The following TBC1D9 variants were observed in gnomAD, a reference collection of about 807,000 sequenced individuals.
TBC1D9 encodes TBC1 domain family member 9.
TBC1D9 carries 63 observed loss-of-function variants against 132.0 expected under a neutral mutation model. The observed-to-expected ratio is 0.48, with a 90% confidence interval of 0.39 to 0.59. The LOEUF (loss-of-function observed/expected upper bound fraction) is 0.59, where lower values mean the gene tolerates loss of function less well. Among genes scored for constraint, TBC1D9 ranks in the 20% least tolerant of loss-of-function variants. The pLI, the probability that TBC1D9 is intolerant of heterozygous loss-of-function variation, is 0.00. For synonymous variants in TBC1D9, 610 were observed against 609.9 expected, an observed-to-expected ratio of 1.00 and a Z score of 0.00; for missense variants, 1,261 against 1,592.7, an observed-to-expected ratio of 0.79 and a Z score of 3.54.
intron 1 of TBC1D9, among the ~76,000 whole-genome samples, chr4:140,753,868 T>G (rs1314657901): frequency 6.6e-6 from 1 of 152,198 alleles, no homozygotes; most frequent in East Asian, 1.9e-4. Context: ...TACTACACAT[T>G]GTGTAACATT....
rs1192712758 is a variant in TBC1D9, at chr4:140,626,285, A to G, written c.2899+1156T>C. 2.6e-5 allele frequency among the ~76,000 whole-genome samples: 4 copies of G among 152,200 alleles called. No individual in the cohort carries two copies. In the East Asian group the frequency reaches 5.8e-4, roughly 22 times the overall value. On this transcript the variant is annotated intron_variant, in intron 18 of 20. Transcript: ENST00000442267. ...CCTAATTACACCCAATATGATAGCT[A>G]TCATCTCCATTCTCCACACAAGGAA...
At chr4:140,633,017 C>T (rs564799306) in intron 16 of TBC1D9, among the ~76,000 whole-genome samples, 1 of 152,314 alleles carries the variant, frequency 6.6e-6, no homozygotes, top group East Asian at 1.9e-4. Context: ...GTTTTAACCT[C>T]AACGGACCTT....
At chr4:140,672,928 A>G (rs1458006891) in intron 6 of TBC1D9, among the ~76,000 whole-genome samples, 1 of 152,154 alleles carries the variant, frequency 6.6e-6, no homozygotes, top group Non-Finnish European at 1.5e-5. Flanking sequence ...GGGAGGCCTA[A>G]GTGGTCAGAT....
Position 140,695,050 on chromosome 4 carries a change from C to A in TBC1D9, c.241+6454G>T, listed in dbSNP as rs552773111. Among the ~76,000 whole-genome samples, 4 of 152,228 alleles carry A rather than the reference C, an allele frequency of 2.6e-5. No individual in the cohort carries two copies. The South Asian group carries it at 6.2e-4, about 24-fold the overall frequency. ...CTCATGCAGAAGGCAACTAAATTAC[C>A]CAACATTTTCTTTATCTACAGTAGA... On this transcript the variant is annotated intron_variant, in intron 2 of 20. Coordinates refer to ENST00000442267, the MANE Select transcript of TBC1D9 (RefSeq NM_015130.3).
intron 1 of TBC1D9, among the ~76,000 whole-genome samples, chr4:140,705,741 A>G (rs1738141271): frequency 6.6e-6 from 1 of 152,136 alleles, no homozygotes; most frequent in African/African-American, 2.4e-5. Flanking sequence ...TAGAAGTCTC[A>G]TTACTCATAC....
At chr4:140,624,443 G>T (rs538616144) in intron 18 of TBC1D9, 55 bp from the exon 19 acceptor site, 25 of 1,500,626 alleles carry the variant, frequency 1.7e-5, no homozygotes, top group Non-Finnish European at 2.2e-5. Context: ...TATGACCATG[G>T]AATTAGCATT....
rs766300047 is a variant in TBC1D9 at position 140,671,712 on chromosome 4, G to GTGTGTGTGTGTGTGTA, written c.1060-787_1060-786insTACACACACACACACA. Reference sequence around the variant, plus strand: ...TGTGTGTGTGTGTGTGTGTGTGTGTGTGTGCCGAAGCCTACCACATTGGGG... The same window carrying GTGTGTGTGTGTGTGTA: ...TGTGTGTGTGTGTGTGTGTGTGTGTGTGTGTGTGTGTGTGTATGTGCCGAAGCCTACCACATTGGGG... On this transcript the variant is annotated intron_variant, in intron 6 of 20. Coordinates refer to ENST00000442267, the MANE Select transcript of TBC1D9 (RefSeq NM_015130.3). 1.6e-3 allele frequency among the ~76,000 whole-genome samples: 230 copies of GTGTGTGTGTGTGTGTA among 147,774 alleles called. 1 individual carries two copies. Among genetic ancestry groups the GTGTGTGTGTGTGTGTA allele is most frequent in the South Asian group, 6.0e-3 (28 of 4,698 alleles).
chr4:140,665,747 G>A (rs1737432666), intron 9 of TBC1D9, among the ~76,000 whole-genome samples: 1 of 152,110 alleles, frequency 6.6e-6, no homozygotes, highest in South Asian at 2.1e-4. Flanking sequence ...TCTGATCACA[G>A]CTCATTGCAG....
chr4:140,733,370 C>A (rs1301387136), intron 1 of TBC1D9, among the ~76,000 whole-genome samples: 1 of 152,008 alleles, frequency 6.6e-6, no homozygotes, highest in Non-Finnish European at 1.5e-5. Flanking sequence ...ATGTCAGGAC[C>A]AGACTTGCCC....
Position 140,661,883 on chromosome 4 carries a change from TG to T in TBC1D9, c.1803+9del, listed in dbSNP as rs1432516396. On this transcript the variant is annotated intron_variant, in intron 10 of 20. Coordinates refer to ENST00000442267, the MANE Select transcript of TBC1D9 (RefSeq NM_015130.3). ...TTATTTTTTTAGCAAAAACCACCTG[TG>T]ACATTTACCTGGCAATACCCTATGT... 13 of 1,607,902 alleles carry T rather than the reference TG, an allele frequency of 8.1e-6. No individual in the cohort carries two copies. The highest frequency in any genetic ancestry group is 1.0e-5 in the Non-Finnish European group (12 of 1,175,498).
At chr4:140,690,110 C>T (rs1410264923) in intron 2 of TBC1D9, among the ~76,000 whole-genome samples, 1 of 152,014 alleles carries the variant, frequency 6.6e-6, no homozygotes, top group Non-Finnish European at 1.5e-5. Flanking sequence ...ACTCCCATAG[C>T]AGAAATGGTA....
intron 13 of TBC1D9, chr4:140,642,512 A>C: frequency 8.6e-7 from 1 of 1,161,510 alleles, no homozygotes; most frequent in African/African-American, 1.5e-5. Context: ...GAAAACTTGA[A>C]GGGTGACTTC....
At position 140,626,276 on chromosome 4, in the gene TBC1D9, A is replaced by G. The variant is rs151266102; in HGVS notation, c.2899+1165T>C. On this transcript the variant is annotated intron_variant, in intron 18 of 20. Transcript: ENST00000442267. ...TTATTAGGTCCTAATTACACCCAAT[A>G]TGATAGCTATCATCTCCATTCTCCA... Among the ~76,000 whole-genome samples the G allele has an allele frequency of 3.7e-3, 561 of 152,236 alleles. 5 individuals carry two copies. The highest frequency in any genetic ancestry group is 8.5e-3 in the African/African-American group (353 of 41,566).
intron 1 of TBC1D9, among the ~76,000 whole-genome samples, chr4:140,728,994 C>T (rs555498692): frequency 6.6e-6 from 1 of 152,106 alleles, no homozygotes; most frequent in South Asian, 2.1e-4. Flanking sequence ...AAAACTGAGG[C>T]ACATGGAAGG....
At chr4:140,629,859 G>A (rs1395787756) in intron 16 of TBC1D9, among the ~76,000 whole-genome samples, 2 of 152,096 alleles carry the variant, frequency 1.3e-5, no homozygotes, top group African/African-American at 2.4e-5. Flanking sequence ...AAATAATGAC[G>A]GACATTAACC....
At chr4:140,624,496 T>A (rs1447635473) in intron 18 of TBC1D9, 108 bp from the exon 19 acceptor site, 1 of 923,702 alleles carries the variant, frequency 1.1e-6, no homozygotes, top group African/African-American at 1.8e-5. Flanking sequence ...GTTGCCTGAT[T>A]TAGCAAACAA....
chr4:140,731,933 A>G (rs759199041), intron 1 of TBC1D9, among the ~76,000 whole-genome samples: 3 of 152,204 alleles, frequency 2.0e-5, no homozygotes, highest in Admixed American at 6.5e-5. Flanking sequence ...TGCACATTGC[A>G]TAAAGCTATC....
At chr4:140,745,811 T>C (rs1738828123) in intron 1 of TBC1D9, among the ~76,000 whole-genome samples, 1 of 152,164 alleles carries the variant, frequency 6.6e-6, no homozygotes, top group African/African-American at 2.4e-5. Context: ...ACACAAGCAC[T>C]ACTAGTTGCA....
chr4:140,734,658 T>C (rs191281066), intron 1 of TBC1D9, among the ~76,000 whole-genome samples: 2 of 152,176 alleles, frequency 1.3e-5, no homozygotes, highest in East Asian at 3.9e-4. Flanking sequence ...TATCAGGATA[T>C]GGTGGGGTGT....
Sources: gnomAD v4.1 joint callset for allele counts (sites outside exome capture counted in the v4.1 genomes callset) on GRCh38, gnomAD v4.1.1 for gene constraint, MANE v1.5 for transcripts, NCBI Gene and HGNC (gene_info 2026-07-23, HGNC 2026-07-21) for gene names.